Variants in NMU observed in about 807,000 individuals in gnomAD.
The protein encoded by NMU is neuromedin-U.
In NMU, 29 loss-of-function variants were observed where a neutral mutation model predicts 35.4. That is an observed-to-expected ratio of 0.82 (90% CI 0.61 to 1.12). The LOEUF is 1.12. NMU is among the 50% of genes most tolerant of loss of function. The probability of loss-of-function intolerance (pLI) is 0.00; values close to 1 mark genes in which losing one functional copy is unlikely to be tolerated. For synonymous variants in NMU, 78 were observed against 81.3 expected (o/e 0.96, Z 0.22); for missense variants, 199 against 206.2 (o/e 0.97, Z 0.21).
intron 1 of NMU, among the ~76,000 whole-genome samples, chr4:55,634,813 T>G (rs1163763991): frequency 6.6e-6 from 1 of 152,216 alleles, no homozygotes; most frequent in Non-Finnish European, 1.5e-5. Flanking sequence ...GTCTGCTAGC[T>G]TCTGACTGCC....
intron 1 of NMU, among the ~76,000 whole-genome samples, chr4:55,632,774 TTCCAC>T (rs1715671480): frequency 6.6e-6 from 1 of 152,124 alleles, no homozygotes; most frequent in African/African-American, 2.4e-5. Flanking sequence ...AAGTGGAAGT[TTCCAC>T]CTCAACTTCA....
intron 1 of NMU, among the ~76,000 whole-genome samples, chr4:55,632,651 C>T (rs1453402612): frequency 6.6e-6 from 1 of 152,144 alleles, no homozygotes; most frequent in Non-Finnish European, 1.5e-5. Context: ...CTCAAATTTC[C>T]ATATAAAACA....
rs1475196988 is a variant in NMU at position 55,618,754 on chromosome 4, TTTCTTCTC to T, written c.172-2377_172-2370del. ...TCTTTCTTTCTTTTTCTTCTCTTTC[TTTCTTCTC>T]TCTCTTTCTTCTCTTTCTTTCCCTT... On this transcript the variant is annotated intron_variant, in intron 2 of 9. Transcript: ENST00000264218. 1.7e-4 allele frequency among the ~76,000 whole-genome samples: 21 copies of T among 126,012 alleles called. No individual in the cohort carries two copies. The East Asian group carries it at 5.2e-3, about 31-fold the overall frequency. 82.7% of individuals were successfully genotyped at this position (126,012 alleles called of 152,430 possible). A position where few individuals can be genotyped will look rare whatever the true frequency, so the allele number is the denominator to read the frequency against.
intron 1 of NMU, among the ~76,000 whole-genome samples, chr4:55,631,177 AG>A (rs1365429149): frequency 6.6e-6 from 1 of 152,158 alleles, no homozygotes; most frequent in African/African-American, 2.4e-5. Context: ...AATCAACTCA[AG>A]ACCTATCAAA....
At chr4:55,603,408 A>C (rs1374601114) in intron 7 of NMU, among the ~76,000 whole-genome samples, 1 of 152,094 alleles carries the variant, frequency 6.6e-6, no homozygotes, top group East Asian at 1.9e-4. Flanking sequence ...TGAAAAAAAA[A>C]TTGCCTAGAT....
At chr4:55,619,166 G>C (rs545227144) in intron 2 of NMU, among the ~76,000 whole-genome samples, 29 of 152,120 alleles carry the variant, frequency 1.9e-4, no homozygotes, top group Non-Finnish European at 3.2e-4. Context: ...GAGGAGCCAA[G>C]ATGGCCGAAT....
Position 55,600,561 on chromosome 4 carries a change from A to T in NMU, c.450T>A (p.Ser150Arg). 1 of 1,610,082 alleles carries T rather than the reference A, an allele frequency of 6.2e-7. No individual in the cohort carries two copies. The highest frequency in any genetic ancestry group is 8.5e-7 in the Non-Finnish European group (1 of 1,176,562). Reference protein sequence around the residue: ...KRFRVDEEFQSPFASQSRGYF... With the variant: ...KRFRVDEEFQRPFASQSRGYF... ...ATCCTCGACTTTGACTTGCAAAGGG[A>T]CTTTGGAATTCTTCCTAGAAGAGAA... The change falls in exon 8 of 10, where the codon AGT (serine) becomes AGA (arginine). Residue 150 changes from serine (S) to arginine (R), a missense_variant. Physicochemically the swap from Ser to Arg is moderately radical, Grantham distance 110. Transcript: ENST00000264218.
In NMU at chr4:55,633,107, C is replaced by A. The variant is rs56189453; in HGVS notation, c.113-2647G>T. Among the ~76,000 whole-genome samples the A allele has an allele frequency of 3.8e-3, 584 of 151,804 alleles. 1 individual carries two copies. Among genetic ancestry groups the A allele is most frequent in the Non-Finnish European group, 6.4e-3 (436 of 67,924 alleles). On this transcript the variant is annotated intron_variant, in intron 1 of 9. Coordinates refer to ENST00000264218, the MANE Select transcript of NMU (RefSeq NM_006681.4). Reference sequence around the variant, plus strand: ...TGAGAGGCCAAGGCGGGCATATCACCAGGTCAGGAGATTGAGACGATCCTG... The same window carrying A: ...TGAGAGGCCAAGGCGGGCATATCACAAGGTCAGGAGATTGAGACGATCCTG...
At chr4:55,598,514 A>C (rs548094587) in intron 9 of NMU, among the ~76,000 whole-genome samples, 1 of 152,304 alleles carries the variant, frequency 6.6e-6, no homozygotes, top group South Asian at 2.1e-4. Context: ...TTTATTGTCT[A>C]ATAAAATATT....
chr4:55,619,206 G>A (rs911170782), intron 2 of NMU, among the ~76,000 whole-genome samples: 3 of 151,346 alleles, frequency 2.0e-5, no homozygotes, highest in Admixed American at 6.6e-5. Flanking sequence ...AGCTCCCAGC[G>A]TGAGCGACGC....
At chr4:55,619,604 G>T (rs945514304) in intron 2 of NMU, among the ~76,000 whole-genome samples, 2 of 128,504 alleles carry the variant, frequency 1.6e-5, no homozygotes, top group African/African-American at 5.7e-5. Context: ...GCCCGCCATT[G>T]CCCAGGCTTG....
intron 9 of NMU, among the ~76,000 whole-genome samples, chr4:55,597,420 G>A (rs909788286): frequency 3.9e-5 from 6 of 151,908 alleles, no homozygotes; most frequent in Non-Finnish European, 7.4e-5. Context: ...CCAGGCTGGA[G>A]TACAATGGTG....
At chr4:55,635,994 G>C in intron 1 of NMU, 87 bp downstream of exon 1, 1 of 1,527,078 alleles carries the variant, frequency 6.5e-7, no homozygotes, top group South Asian at 1.2e-5. Flanking sequence ...AAGTAAAGGT[G>C]AGAGAAAGAG....
At chr4:55,636,441 T>C, upstream of NMU, 1 of 486,498 alleles carries the variant, frequency 2.1e-6, no homozygotes, top group Non-Finnish European at 3.4e-6. The surrounding 1 kb of genome is among the most constrained non-coding windows in gnomAD (Gnocchi z 4.0). Flanking sequence ...CGCCCCACCC[T>C]GCAGCAGGAC....
chr4:55,602,039 T>C (rs1197657065), intron 7 of NMU, among the ~76,000 whole-genome samples: 3 of 151,940 alleles, frequency 2.0e-5, no homozygotes, highest in African/African-American at 7.2e-5. Flanking sequence ...CAAATGCATA[T>C]TATATTAAAG....
chr4:55,605,758 A>T (rs1733658973), intron 6 of NMU, among the ~76,000 whole-genome samples: 1 of 152,256 alleles, frequency 6.6e-6, no homozygotes, highest in Non-Finnish European at 1.5e-5. Flanking sequence ...TAAACATGTT[A>T]ATCTGGAAGA....
chr4:55,609,980 G>A (rs1273769961), intron 3 of NMU, among the ~76,000 whole-genome samples: 2 of 152,314 alleles, frequency 1.3e-5, no homozygotes, highest in East Asian at 1.9e-4. Flanking sequence ...TAACTCTATC[G>A]CAGTGCAAAT....
At position 55,636,256 on chromosome 4, in the gene NMU, C is replaced by T; in HGVS notation, c.-64G>A. 1 of 1,410,034 alleles carries T rather than the reference C, an allele frequency of 7.1e-7. No individual in the cohort carries two copies. The highest frequency in any genetic ancestry group is 9.2e-7 in the Non-Finnish European group (1 of 1,092,364). The allele number at this position is 1,410,034 out of a possible 1,614,324, so 87.3% of individuals were successfully genotyped here. A position where few individuals can be genotyped will look rare whatever the true frequency, so the allele number is the denominator to read the frequency against. ...GCTGCGCCACGCGTAGCTGGTGCTC[C>T]ACCTGGTGCCCTGGCTGTGCCTCGG... On this transcript the variant is annotated 5_prime_UTR_variant, in exon 1 of 10. Coordinates refer to ENST00000264218, the MANE Select transcript of NMU (RefSeq NM_006681.4). This position sits in a 1 kb window ranked among gnomAD's most constrained non-coding sequence, Gnocchi z 4.0.
At chr4:55,626,131 C>A (rs578112570) in intron 2 of NMU, among the ~76,000 whole-genome samples, 16 of 152,130 alleles carry the variant, frequency 1.1e-4, no homozygotes, top group Non-Finnish European at 2.2e-4. Context: ...GACCCCACAT[C>A]CTTGTTAACA....
Sources: allele counts gnomAD v4.1 joint callset (sites outside exome capture counted in the v4.1 genomes callset), GRCh38; gene constraint gnomAD v4.1.1; non-coding constraint Gnocchi (gnomAD v3.1); transcripts MANE v1.5; gene names NCBI Gene and HGNC (gene_info 2026-07-23, HGNC 2026-07-21).